Variants in UBAC2 observed in about 807,000 individuals in gnomAD.
The protein encoded by UBAC2 is ubiquitin-associated domain-containing protein 2.
In UBAC2, 26 loss-of-function variants were observed where a neutral mutation model predicts 44.0. That is an observed-to-expected ratio of 0.59 (90% confidence interval 0.43 to 0.82). The LOEUF is 0.82. UBAC2 is among the 40% of genes least tolerant of loss of function. The pLI is 0.00. For missense variants in UBAC2, 329 were observed against 419.4 expected (o/e 0.78, Z 1.88); for synonymous variants, 155 against 154.3 (o/e 1.00, Z -0.04).
chr13:99,340,305 A>G lies in UBAC2; in HGVS notation c.562-15A>G. On this transcript the variant is annotated splice_polypyrimidine_tract_variant and intron_variant, in intron 6 of 8. Transcript: ENST00000403766. ...TACTACATTTAAACAATCACATTGGACGTTTTTCTTCTAGATGTCCGGTCT... is the reference window on the plus strand; with the variant it reads ...TACTACATTTAAACAATCACATTGGGCGTTTTTCTTCTAGATGTCCGGTCT... 1 of 1,611,044 alleles carries G rather than the reference A, an allele frequency of 6.2e-7. No individual in the cohort carries two copies. The highest frequency in any genetic ancestry group is 8.5e-7 in the Non-Finnish European group (1 of 1,177,828).
At chr13:99,303,608 T>C (rs570650704) in intron 4 of UBAC2, among the ~76,000 whole-genome samples, 1 of 152,358 alleles carries the variant, frequency 6.6e-6, no homozygotes, top group African/African-American at 2.4e-5. Context: ...ATTTGTAGGA[T>C]GCAGCATGTG....
intron 2 of UBAC2, among the ~76,000 whole-genome samples, chr13:99,242,685 ACCCCCCCCACCTCCCTCCCC>A (rs2043327451): frequency 1.1e-5 from 1 of 87,764 alleles, no homozygotes; most frequent in Non-Finnish European, 2.2e-5. Context: ...CGGGGGGCTG[ACCCCCCCCACCTCCCTCCCC>A]GACGGGGCGG....
rs1001780726 is a variant in UBAC2 at position 99,243,380 on chromosome 13, A to G, written c.160-452A>G. 3.3e-5 allele frequency among the ~76,000 whole-genome samples: 5 copies of G among 151,980 alleles called. 1 individual carries two copies. Among genetic ancestry groups the G allele is most frequent in the Admixed American group, 1.3e-4 (2 of 15,266 alleles). On this transcript the variant is annotated intron_variant, in intron 2 of 8. Coordinates refer to ENST00000403766, the MANE Select transcript of UBAC2 (RefSeq NM_001144072.2). The stretch of plus-strand genomic sequence containing the variant: ...CCATAAATTACTTTGCATAGTTGCT[A>G]TGAAGTAAGTTGATGATTAAAATTA...
At position 99,347,016 on chromosome 13, in the gene UBAC2, G is replaced by C. The variant is rs1381324989; in HGVS notation, c.807+6451G>C. ...ACAGAGGTTGAGTGCAGTGGTTCAC[G>C]CCTGTAATCCCAGCACTTTGGGAAG... On this transcript the variant is annotated intron_variant, in intron 7 of 8. Transcript: ENST00000403766. 2.0e-5 allele frequency among the ~76,000 whole-genome samples: 3 copies of C among 152,172 alleles called. No homozygotes were observed. The South Asian group carries it at 6.2e-4, about 31-fold the overall frequency.
At chr13:99,221,064 T>C (rs991461887) in intron 1 of UBAC2, among the ~76,000 whole-genome samples, 3 of 152,220 alleles carry the variant, frequency 2.0e-5, no homozygotes, top group African/African-American at 7.2e-5. Context: ...TACAACCTAT[T>C]GCTTAATGTT....
chr13:99,303,912 C>T (rs540493325), intron 4 of UBAC2, among the ~76,000 whole-genome samples: 2 of 152,318 alleles, frequency 1.3e-5, no homozygotes, highest in African/African-American at 4.8e-5. Flanking sequence ...TCTCCCTCAC[C>T]TGCTGCCTCT....
At chr13:99,275,143 C>T (rs1284381950) in intron 4 of UBAC2, among the ~76,000 whole-genome samples, 1 of 152,172 alleles carries the variant, frequency 6.6e-6, no homozygotes, top group Non-Finnish European at 1.5e-5. Context: ...TGCTAGTTTT[C>T]CTGTGGGTCA....
intron 4 of UBAC2, among the ~76,000 whole-genome samples, chr13:99,276,425 G>C (rs1042639642): frequency 6.6e-6 from 1 of 152,214 alleles, no homozygotes; most frequent in African/African-American, 2.4e-5. Flanking sequence ...CAGAACTCAG[G>C]AACGTATTTT....
chr13:99,311,251 T>C (rs926419010), intron 4 of UBAC2, among the ~76,000 whole-genome samples: 5 of 151,928 alleles, frequency 3.3e-5, no homozygotes, highest in Non-Finnish European at 7.4e-5. Context: ...GGGAGGACAG[T>C]CAGGAAGAGA....
intron 4 of UBAC2, chr13:99,307,954 C>T (rs1372045592): frequency 6.6e-6 from 1 of 152,092 alleles, no homozygotes; most frequent in Non-Finnish European, 1.5e-5. Context: ...CGTTTTCAGT[C>T]GAGAGGCTGC....
At chr13:99,246,592 C>T (rs2043386367) in intron 4 of UBAC2, among the ~76,000 whole-genome samples, 1 of 152,168 alleles carries the variant, frequency 6.6e-6, no homozygotes, top group African/African-American at 2.4e-5. Flanking sequence ...TCTTCTTTTT[C>T]CTGCTGCACA....
intron 1 of UBAC2, among the ~76,000 whole-genome samples, chr13:99,236,267 C>A (rs559459161): frequency 2.0e-5 from 3 of 152,262 alleles, no homozygotes; most frequent in African/African-American, 7.2e-5. Flanking sequence ...AAAGAGATAA[C>A]CCACAGAATG....
At chr13:99,231,144 G>T (rs760471872) in intron 1 of UBAC2, among the ~76,000 whole-genome samples, 8 of 152,130 alleles carry the variant, frequency 5.3e-5, no homozygotes, top group Non-Finnish European at 1.2e-4. Context: ...AATTCTGTCT[G>T]CAACCTTAAC....
intron 7 of UBAC2, among the ~76,000 whole-genome samples, chr13:99,362,258 A>G (rs947661559): frequency 1.3e-5 from 2 of 152,168 alleles, no homozygotes; most frequent in Admixed American, 1.3e-4. Flanking sequence ...ATATAATAGA[A>G]CCACTTATTA....
chr13:99,251,377 A>T (rs1304868520), intron 4 of UBAC2, among the ~76,000 whole-genome samples: 1 of 152,106 alleles, frequency 6.6e-6, no homozygotes, highest in Non-Finnish European at 1.5e-5. Context: ...TCTCTTGCCT[A>T]GTTGCTCTGG....
chr13:99,221,356 G>C (rs577392577), intron 1 of UBAC2, among the ~76,000 whole-genome samples: 1 of 152,178 alleles, frequency 6.6e-6, no homozygotes, highest in African/African-American at 2.4e-5. Context: ...TATTAGTGCT[G>C]TTTGTGATTG....
At chr13:99,341,648 C>T (rs978843439) in intron 7 of UBAC2, among the ~76,000 whole-genome samples, 1 of 151,886 alleles carries the variant, frequency 6.6e-6, no homozygotes, top group African/African-American at 2.4e-5. Flanking sequence ...GAGCTGAGAG[C>T]CGAAAGCAAA....
chr13:99,223,330 A>G (rs2043071832), intron 1 of UBAC2, among the ~76,000 whole-genome samples: 1 of 152,032 alleles, frequency 6.6e-6, no homozygotes, highest in Admixed American at 6.6e-5. Flanking sequence ...CCTCCTCTTT[A>G]TTCCTGATAC....
At chr13:99,294,921 T>C (rs1038379979) in intron 4 of UBAC2, 2 of 862,122 alleles carry the variant, frequency 2.3e-6, no homozygotes, top group Non-Finnish European at 3.5e-6. Context: ...TACTTCCGAG[T>C]TGGAGATGGG....
Sources: gnomAD v4.1 joint callset for allele counts (sites outside exome capture counted in the v4.1 genomes callset) on GRCh38, gnomAD v4.1.1 for gene constraint, MANE v1.5 for transcripts, NCBI Gene and HGNC (gene_info 2026-07-23, HGNC 2026-07-21) for gene names.